Variants in GLRA2 observed in about 807,000 individuals in gnomAD.
The protein encoded by GLRA2 is glycine receptor alpha 2.
In GLRA2, 11 loss-of-function variants were observed where a neutral mutation model predicts 31.6. The observed-to-expected ratio is 0.35, with a 90% confidence interval of 0.22 to 0.58. GLRA2 has a LOEUF of 0.58. Ranked by LOEUF, GLRA2 falls within the 20% of genes least tolerant of loss-of-function variation. The probability of loss-of-function intolerance (pLI) is 0.84; values close to 1 mark genes in which losing one functional copy is unlikely to be tolerated. For missense variants in GLRA2, 212 were observed against 351.8 expected, an observed-to-expected ratio of 0.60 and a Z score of 3.18; for synonymous variants, 132 against 134.0, an observed-to-expected ratio of 0.99 and a Z score of 0.10.
At chrX:14,547,678 C>T (rs1288646403) in intron 2 of GLRA2, among the ~76,000 whole-genome samples, 1 of 111,494 alleles carries the variant, frequency 9.0e-6, no homozygotes, top group Non-Finnish European at 1.9e-5. Context: ...CCTTTTATTT[C>T]TGGTGCTTGG....
intron 4 of GLRA2, among the ~76,000 whole-genome samples, chrX:14,581,848 C>T (rs1360253331): frequency 9.2e-5 from 10 of 108,687 alleles, no homozygotes; most frequent in Non-Finnish European, 1.7e-4. Context: ...ATACTTATAG[C>T]TGGATACATG....
Position 14,530,007 on chromosome X carries a change from T to A in GLRA2, c.-51T>A. The A allele has an allele frequency of 1.1e-6, 1 of 933,201 alleles. No individual in the cohort carries two copies. Among genetic ancestry groups the A allele is most frequent in the Non-Finnish European group, 1.6e-6 (1 of 640,849 alleles). The allele number at this position is 933,201 out of a possible 1,213,427, so 76.9% of individuals were successfully genotyped here. On this transcript the variant is annotated 5_prime_UTR_variant, in exon 1 of 9. Coordinates refer to ENST00000218075, the MANE Select transcript of GLRA2 (RefSeq NM_002063.4). ...AATAAACAGACACTTTGTCCTAGCA[T>A]CTTTCTGGAATCATTTCGGGATATT...
Position 14,607,158 on chromosome X carries a change from T to C in GLRA2, c.605T>C (p.Phe202Ser). Residue 202 changes from phenylalanine to serine, a missense_variant, in exon 6 of 9, where the codon TTT becomes TCT. Phe to Ser is a radical substitution (Grantham distance 155). Transcript: ENST00000218075. ...SFGYTMNDLI[F>S]EWLSDGPVQV... ...GGGTACACGATGAATGACCTGATAT[T>C]TGAGTGGTTAAGTGATGGTCCAGTG... 1 of 1,188,058 alleles carries C rather than the reference T, an allele frequency of 8.4e-7. No individual in the cohort carries two copies. The highest frequency in any genetic ancestry group is 1.1e-6 in the Non-Finnish European group (1 of 874,958).
intron 7 of GLRA2, among the ~76,000 whole-genome samples, chrX:14,676,753 A>T (rs1333353231): frequency 8.9e-6 from 1 of 112,333 alleles, no homozygotes; most frequent in African/African-American, 3.2e-5. Context: ...CTGAACACAG[A>T]CAAAACAAAT....
At chrX:14,699,628 C>T (rs1016390337) in intron 8 of GLRA2, among the ~76,000 whole-genome samples, 1 of 111,794 alleles carries the variant, frequency 8.9e-6, no homozygotes, top group Non-Finnish European at 1.9e-5. Flanking sequence ...TTATCATTAA[C>T]GATTTTCACC....
intron 8 of GLRA2, among the ~76,000 whole-genome samples, chrX:14,696,219 C>T (rs756454792): frequency 5.4e-4 from 19 of 34,960 alleles, no homozygotes; most frequent in East Asian, 5.2e-3. Context: ...AGGGAGAGTG[C>T]GAGGGAGGGA....
At chrX:14,500,156 C>T in the GLRA2 span, among the ~76,000 whole-genome samples, 2 of 112,060 alleles carry the variant, frequency 1.8e-5, no homozygotes, top group Admixed American at 9.5e-5. Context: ...AGAAATTCTG[C>T]TCTGTATTTT....
At chrX:14,646,716 G>A (rs1409266069) in intron 7 of GLRA2, among the ~76,000 whole-genome samples, 4 of 111,869 alleles carry the variant, frequency 3.6e-5, no homozygotes, top group South Asian at 3.8e-4. Flanking sequence ...GTAGACATAC[G>A]ATAGAGAAGA....
At chrX:14,567,996 C>T (rs922454528) in intron 2 of GLRA2, among the ~76,000 whole-genome samples, 2 of 111,941 alleles carry the variant, frequency 1.8e-5, no homozygotes, top group South Asian at 3.6e-4. Context: ...AATGGAAAAA[C>T]ATCCCTTATT....
chrX:14,729,103 C>A (rs1316778859), intron 8 of GLRA2, among the ~76,000 whole-genome samples: 1 of 112,120 alleles, frequency 8.9e-6, no homozygotes, highest in Admixed American at 9.5e-5. Flanking sequence ...ATTTAGTATA[C>A]CTTTTATATG....
chrX:14,670,696 A>G (rs1273039126), intron 7 of GLRA2, among the ~76,000 whole-genome samples: 6 of 111,601 alleles, frequency 5.4e-5, no homozygotes, highest in Non-Finnish European at 9.4e-5. Context: ...ACCTCCCACC[A>G]GGTCCCTCCC....
chrX:14,671,009 C>G (rs980423092), intron 7 of GLRA2, among the ~76,000 whole-genome samples: 2 of 111,772 alleles, frequency 1.8e-5, no homozygotes, highest in African/African-American at 6.5e-5. Flanking sequence ...TCTGTTTCAG[C>G]TCCATTATTC....
the GLRA2 span, among the ~76,000 whole-genome samples, chrX:14,509,398 C>T: frequency 8.9e-6 from 1 of 112,770 alleles, no homozygotes. Context: ...ATAACATTTT[C>T]CAAGAAAACG....
At chrX:14,690,985 A>G (rs2091345202) in intron 8 of GLRA2, 126 bp downstream of exon 8, 2 of 663,322 alleles carry the variant, frequency 3.0e-6, no homozygotes, top group East Asian at 3.4e-5. Context: ...GATTTGTCCT[A>G]CTACACTGAC....
At chrX:14,565,565 G>T (rs1413740313) in intron 2 of GLRA2, among the ~76,000 whole-genome samples, 1 of 110,853 alleles carries the variant, frequency 9.0e-6, no homozygotes. Flanking sequence ...TTAATGAGTT[G>T]ACCATTTTAT....
At chrX:14,474,285 G>T in the GLRA2 span, among the ~76,000 whole-genome samples, 1 of 111,517 alleles carries the variant, frequency 9.0e-6, no homozygotes, top group Admixed American at 9.5e-5. Flanking sequence ...ACCCAGCAGA[G>T]ATTTATTGTT....
chrX:14,480,527 A>AC, the GLRA2 span, among the ~76,000 whole-genome samples: 1 of 111,510 alleles, frequency 9.0e-6, no homozygotes, highest in Non-Finnish European at 1.9e-5. Flanking sequence ...ATCCATGTTG[A>AC]TTTTTTATAT....
intron 7 of GLRA2, among the ~76,000 whole-genome samples, chrX:14,637,241 G>A (rs563737045): frequency 5.4e-5 from 6 of 111,852 alleles, no homozygotes; most frequent in African/African-American, 1.9e-4. Flanking sequence ...GATCACCCTG[G>A]ACAAATGAAT....
chrX:14,560,797 C>CAAAAAAAA (rs760583127), intron 2 of GLRA2, among the ~76,000 whole-genome samples: 96 of 41,142 alleles, frequency 2.3e-3, no homozygotes, highest in East Asian at 8.3e-3. Flanking sequence ...GACCCTGTCT[C>CAAAAAAAA]AAAAAAAAAA....
Sources: allele counts gnomAD v4.1 joint callset (sites outside exome capture counted in the v4.1 genomes callset), GRCh38; gene constraint gnomAD v4.1.1; transcripts MANE v1.5; gene names NCBI Gene and HGNC (gene_info 2026-07-23, HGNC 2026-07-21).